FRG1: variants seen among roughly 807,000 people sequenced by gnomAD.
The protein encoded by FRG1 is FSHD region gene 1.
Under a neutral mutation model 37.0 loss-of-function variants are expected in FRG1, and 19 were observed. The ratio of observed to expected loss-of-function variants is 0.51; its 90% CI spans 0.36 to 0.75. The LOEUF is 0.75. Ranked by LOEUF, FRG1 falls within the 30% of genes least tolerant of loss-of-function variation. The pLI is 0.00. For missense variants in FRG1, 243 were observed against 301.4 expected (o/e 0.81, Z 1.44); for synonymous variants, 73 against 96.5 (o/e 0.76, Z 1.43).
At chr4:189,960,652 A>C in intron 6 of FRG1, 96 bp from the exon 7 acceptor site, 1 of 1,202,046 alleles carries the variant, frequency 8.3e-7, no homozygotes, top group East Asian at 2.5e-5. Flanking sequence ...TTTCTTCTGC[A>C]TAAGAAATCA....
intron 4 of FRG1, among the ~76,000 whole-genome samples, chr4:189,954,555 C>A (rs1320186369): frequency 6.6e-6 from 1 of 150,414 alleles, no homozygotes; most frequent in Non-Finnish European, 1.5e-5. Context: ...TAAAACTGCA[C>A]TGTCCAACAT....
intron 2 of FRG1, among the ~76,000 whole-genome samples, chr4:189,944,531 T>C (rs1314002699): frequency 6.6e-6 from 1 of 152,182 alleles, no homozygotes; most frequent in Non-Finnish European, 1.5e-5. Context: ...AGAGGCATCA[T>C]AGTTTTAGTT....
At chr4:189,947,338 T>C (rs1736575498) in intron 2 of FRG1, among the ~76,000 whole-genome samples, 1 of 148,976 alleles carries the variant, frequency 6.7e-6, no homozygotes, top group East Asian at 2.0e-4. Context: ...TGTACACATT[T>C]AGGATTGTTA....
At chr4:189,953,237 A>AG in intron 4 of FRG1, 112 bp downstream of exon 4, 1 of 1,381,312 alleles carries the variant, frequency 7.2e-7, no homozygotes, top group Non-Finnish European at 9.4e-7. Flanking sequence ...GATGTAAAAA[A>AG]CAAAATAGCT....
chr4:189,955,524 A>G lies in FRG1; in HGVS notation c.432+373A>G, dbSNP rs1303030697. On this transcript the variant is annotated intron_variant, in intron 5 of 8. Coordinates refer to ENST00000226798, the MANE Select transcript of FRG1 (RefSeq NM_004477.3). ...CTGTAAGCGAACAGTGGAGCTTGCT[A>G]AGACCAAGTTGTGACAATTTGTGCA... Among the ~76,000 whole-genome samples, 4 of 152,216 alleles carry G rather than the reference A, an allele frequency of 2.6e-5. No individual in the cohort carries two copies. The East Asian group carries it at 7.7e-4, about 29-fold the overall frequency.
intron 7 of FRG1, 126 bp from the exon 8 acceptor site, chr4:189,961,696 C>T: frequency 1.9e-6 from 1 of 537,144 alleles, no homozygotes; most frequent in Non-Finnish European, 3.3e-6. Flanking sequence ...GCATGAGCCA[C>T]TGCGCCTGGC....
chr4:189,943,017 C>T (rs191222097), intron 1 of FRG1, among the ~76,000 whole-genome samples, 185 bp from the exon 2 acceptor site: 1 of 152,258 alleles, frequency 6.6e-6, no homozygotes, highest in Non-Finnish European at 1.5e-5. Flanking sequence ...TGAACTCTAA[C>T]GTAATATGTG....
At chr4:189,945,656 T>TGTTTGTTTG (rs796953898) in intron 2 of FRG1, among the ~76,000 whole-genome samples, 2 of 146,510 alleles carry the variant, frequency 1.4e-5, no homozygotes, top group African/African-American at 2.5e-5. Flanking sequence ...TGTTTGTGTT[T>TGTTTGTTTG]TTTGTTTTTT....
intron 2 of FRG1, among the ~76,000 whole-genome samples, chr4:189,948,160 C>T (rs1163748973): frequency 2.0e-5 from 3 of 152,124 alleles, no homozygotes; most frequent in Non-Finnish European, 4.4e-5. Flanking sequence ...TATAAGTAAG[C>T]ATGTGCCTAT....
intron 2 of FRG1, among the ~76,000 whole-genome samples, chr4:189,944,365 A>G (rs373204826): frequency 6.6e-6 from 1 of 152,130 alleles, no homozygotes; most frequent in African/African-American, 2.4e-5. Flanking sequence ...TTTAGTAGCA[A>G]CAGGGTTTCA....
chr4:189,952,219 T>C lies in FRG1; in HGVS notation c.191T>C (p.Met64Thr), dbSNP rs771396363. Residue 64 changes from methionine (M) to threonine (T), a missense_variant, in exon 3 of 9, where the codon ATG (methionine) becomes ACG (threonine). By Grantham distance (81) the Met-to-Thr change is moderately conservative. This residue lies in a region of FRG1 where 110 missense variants were observed against 102.2 expected (regional missense o/e 1.08). Transcript: ENST00000226798. Reference protein sequence around the residue: ...GEISGTIAIEMDKGTYIHALD... With the variant: ...GEISGTIAIETDKGTYIHALD... ...ATTTCAGGAACCATAGCCATTGAAA[T>C]GGATAAGGGAACCTATATACATGCA... The C allele has an allele frequency of 6.2e-7, 1 of 1,606,846 alleles. No individual in the cohort carries two copies. Among genetic ancestry groups the C allele is most frequent in the South Asian group, 1.1e-5 (1 of 90,206 alleles).
chr4:189,941,500 TCA>T lies in FRG1; in HGVS notation c.62+434_62+435del, dbSNP rs566332410. On this transcript the variant is annotated intron_variant, in intron 1 of 8. Coordinates refer to ENST00000226798, the MANE Select transcript of FRG1 (RefSeq NM_004477.3). ...ATATGTACAGTGAAACCAGGATGAA[TCA>T]CACAGTGGTTGAGGTGTATATGGGC... is the stretch of plus-strand genomic sequence containing the variant. 5.3e-4 allele frequency among the ~76,000 whole-genome samples: 81 copies of T among 152,350 alleles called. 2 individuals are homozygous for T. Among genetic ancestry groups the T allele is most frequent in the African/African-American group, 1.6e-3 (67 of 41,582 alleles).
intron 2 of FRG1, among the ~76,000 whole-genome samples, chr4:189,948,519 T>C (rs564585925): frequency 2.6e-5 from 4 of 152,306 alleles, no homozygotes; most frequent in East Asian, 1.9e-4. Context: ...ATCTAAGATA[T>C]ATCATTCCTT....
intron 2 of FRG1, among the ~76,000 whole-genome samples, chr4:189,949,298 G>A (rs932252110): frequency 1.3e-5 from 2 of 152,132 alleles, no homozygotes; most frequent in African/African-American, 2.4e-5. Context: ...TACTTTAGTC[G>A]ATAAACATAT....
chr4:189,954,999 C>G, intron 4 of FRG1, 38 bp from the exon 5 acceptor site: 2 of 1,290,790 alleles, frequency 1.5e-6, no homozygotes, highest in Non-Finnish European at 2.2e-6. Flanking sequence ...TTAATTTTCT[C>G]TCAGTCTTTA....
rs538400316 is a variant in FRG1, at chr4:189,953,359, G to A, written c.317+234G>A. Among the ~76,000 whole-genome samples, 623 of 152,026 alleles carry A rather than the reference G, an allele frequency of 4.1e-3. 4 individuals carry two copies. The highest frequency in any genetic ancestry group is 0.014 in the African/African-American group (593 of 41,480). The stretch of plus-strand genomic sequence containing the variant: ...GTGAAGATTAATAATTTCACATACC[G>A]AATAAGATAGATTAAAAAATGAATC... On this transcript the variant is annotated intron_variant, in intron 4 of 8. Transcript: ENST00000226798.
At chr4:189,961,035 C>G in intron 7 of FRG1, 196 bp downstream of exon 7, 1 of 557,862 alleles carries the variant, frequency 1.8e-6, no homozygotes, top group Non-Finnish European at 3.1e-6. Context: ...CACTGCCTTC[C>G]AGCCTGGGTG....
At chr4:189,958,339 G>A (rs1374109524) in intron 6 of FRG1, among the ~76,000 whole-genome samples, 1 of 151,950 alleles carries the variant, frequency 6.6e-6, no homozygotes, top group Non-Finnish European at 1.5e-5. Context: ...ACCAGGTCGG[G>A]GTATATGCGT....
intron 1 of FRG1, 93 bp from the exon 2 acceptor site, chr4:189,943,108 GA>G (rs1186275013): frequency 1.5e-6 from 2 of 1,335,922 alleles, no homozygotes; most frequent in Non-Finnish European, 2.0e-6. Context: ...ATTTATAAAT[GA>G]AACAGCTTAA....
Sources: gnomAD v4.1 joint callset for allele counts (sites outside exome capture counted in the v4.1 genomes callset) on GRCh38, gnomAD v4.1.1 for gene constraint, gnomAD v4.1.1 regional missense constraint, MANE v1.5 for transcripts, NCBI Gene and HGNC (gene_info 2026-07-23, HGNC 2026-07-21) for gene names.